Variants in SCUBE1 observed in about 807,000 individuals in gnomAD.
SCUBE1 encodes signal peptide, CUB and EGF-like domain-containing protein 1.
A neutral mutation model predicts 124.4 loss-of-function variants in SCUBE1; 59 were observed. The ratio of observed to expected loss-of-function variants is 0.47; its 90% CI spans 0.38 to 0.59. The LOEUF (loss-of-function observed/expected upper bound fraction) is 0.59, where lower values mean the gene tolerates loss of function less well. Among genes scored for constraint, SCUBE1 ranks in the 20% least tolerant of loss-of-function variants. The pLI is 0.00. For synonymous variants in SCUBE1, 545 were observed against 550.9 expected (o/e 0.99, Z 0.15); for missense variants, 1,150 against 1,371.2 (o/e 0.84, Z 2.55).
chr22:43,319,265 T>C (rs1203198807), intron 3 of SCUBE1, among the ~76,000 whole-genome samples: 1 of 151,888 alleles, frequency 6.6e-6, no homozygotes, highest in Non-Finnish European at 1.5e-5. Flanking sequence ...AAGAGAAGAT[T>C]AGGGCCAGGC....
At chr22:43,220,379 C>T (rs995106141) in intron 14 of SCUBE1, 71 bp downstream of exon 14, 4 of 1,540,846 alleles carry the variant, frequency 2.6e-6, no homozygotes, top group Non-Finnish European at 3.5e-6. Context: ...CCTGGCAGGC[C>T]CCCGGCAGCG....
intron 2 of SCUBE1, among the ~76,000 whole-genome samples, 162 bp downstream of exon 2, chr22:43,338,942 C>T (rs1309695950): frequency 6.6e-6 from 1 of 152,228 alleles, no homozygotes; most frequent in Admixed American, 6.5e-5. Context: ...CCGAAAAGTT[C>T]ACTGCCTCCC....
At chr22:43,265,228 A>C (rs1347398442) in intron 4 of SCUBE1, among the ~76,000 whole-genome samples, 1 of 152,216 alleles carries the variant, frequency 6.6e-6, no homozygotes, top group Non-Finnish European at 1.5e-5. Context: ...CTTGCCATCA[A>C]GTGATCTTTC....
chr22:43,324,564 C>A (rs1239821078), intron 2 of SCUBE1, among the ~76,000 whole-genome samples: 1 of 152,138 alleles, frequency 6.6e-6, no homozygotes, highest in African/African-American at 2.4e-5. Flanking sequence ...TCATGTAAGC[C>A]TCCTCCTTTA....
chr22:43,223,375 T>G (rs1215395115), intron 10 of SCUBE1, among the ~76,000 whole-genome samples, 159 bp from the exon 11 acceptor site: 1 of 152,098 alleles, frequency 6.6e-6, no homozygotes, highest in Non-Finnish European at 1.5e-5. Flanking sequence ...GCAGGTCCCT[T>G]GGGCGTGTGG....
Position 43,210,194 on chromosome 22 carries a change from C to T in SCUBE1, c.2430G>A (p.Glu810=), listed in dbSNP as rs530301498. Residue 810 remains glutamate (E), a synonymous_variant, in exon 19 of 22, where the codon GAG becomes GAA. Coordinates refer to ENST00000360835, the MANE Select transcript of SCUBE1 (RefSeq NM_173050.5). This position sits in a 1 kb window ranked among gnomAD's most constrained non-coding sequence, Gnocchi z 4.5. ...GGTAGTCGCCAGGGTAGTTGGGGGA[C>T]TCGATGTAGCCGGTGTAGTCACCAA... The part of the protein sequence containing the change: ...GELGDYTGYI[E]SPNYPGDYPA... 3.1e-6 allele frequency: 5 copies of T among 1,596,766 alleles called. No homozygotes were observed. Among genetic ancestry groups the T allele is most frequent in the Admixed American group, 3.4e-5 (2 of 59,254 alleles).
chr22:43,257,878 C>T (rs1923719320), intron 6 of SCUBE1, among the ~76,000 whole-genome samples: 1 of 152,226 alleles, frequency 6.6e-6, no homozygotes, highest in Non-Finnish European at 1.5e-5. Flanking sequence ...GCATACACCT[C>T]CCTTCTCCCC....
chr22:43,212,299 C>T (rs1023559393), intron 17 of SCUBE1, 126 bp downstream of exon 17: 114 of 1,095,664 alleles, frequency 1.0e-4, no homozygotes, highest in Middle Eastern at 3.0e-4. Context: ...CTGACAGCTC[C>T]AGGCTCCTCC....
chr22:43,256,738 G>C (rs1440445013), intron 6 of SCUBE1, among the ~76,000 whole-genome samples: 2 of 152,268 alleles, frequency 1.3e-5, no homozygotes, highest in Non-Finnish European at 2.9e-5. Flanking sequence ...GGCTCCAAGA[G>C]AGGTGGCAAA....
At chr22:43,274,546 T>G (rs1322937335) in intron 4 of SCUBE1, among the ~76,000 whole-genome samples, 1 of 152,110 alleles carries the variant, frequency 6.6e-6, no homozygotes, top group Non-Finnish European at 1.5e-5. Context: ...AAAGGTCTGT[T>G]TTTCCTTTCC....
chr22:43,312,189 T>C (rs1926194146), intron 3 of SCUBE1, among the ~76,000 whole-genome samples: 1 of 152,216 alleles, frequency 6.6e-6, no homozygotes, highest in Admixed American at 6.5e-5. Flanking sequence ...ATGCCTACAA[T>C]ATATCTGACA....
intron 9 of SCUBE1, 56 bp downstream of exon 9, chr22:43,229,016 G>T: frequency 7.7e-7 from 1 of 1,301,122 alleles, no homozygotes. Flanking sequence ...GTAGGTGGCC[G>T]TGCGGCCAGG....
At chr22:43,336,901 CT>C (rs1927099853) in intron 2 of SCUBE1, among the ~76,000 whole-genome samples, 1 of 152,088 alleles carries the variant, frequency 6.6e-6, no homozygotes, top group Non-Finnish European at 1.5e-5. Flanking sequence ...TGAGCTGGGG[CT>C]CACAAACATA....
chr22:43,232,016 C>G (rs1922575083), intron 7 of SCUBE1, 141 bp from the exon 8 acceptor site: 7 of 970,172 alleles, frequency 7.2e-6, no homozygotes, highest in Admixed American at 2.1e-5. Context: ...CTGCTGGCTC[C>G]CCAGCTGTGC....
intron 5 of SCUBE1, among the ~76,000 whole-genome samples, chr22:43,260,262 C>T (rs2146709317): frequency 6.6e-6 from 1 of 152,344 alleles, no homozygotes; most frequent in Non-Finnish European, 1.5e-5. Flanking sequence ...GACCCTTGTT[C>T]CCTCCACATA....
chr22:43,304,510 C>T (rs769744007), intron 3 of SCUBE1, among the ~76,000 whole-genome samples: 4 of 117,852 alleles, frequency 3.4e-5, no homozygotes, highest in Admixed American at 8.7e-5. Flanking sequence ...AGGCTGAACC[C>T]AGGCAGAGAG....
Position 43,310,133 on chromosome 22 carries a change from G to A in SCUBE1, c.349+9804C>T, listed in dbSNP as rs115950961. On this transcript the variant is annotated intron_variant, in intron 3 of 21. Coordinates refer to ENST00000360835, the MANE Select transcript of SCUBE1 (RefSeq NM_173050.5). ...GCCTGACCCAGCCCCGGCCCGCCTC[G>A]TTGCCTCATCTCCAGTCTGTGTCCC... Among the ~76,000 whole-genome samples the A allele has an allele frequency of 1.9e-3, 288 of 152,080 alleles. 1 individual carries two copies. The highest frequency in any genetic ancestry group is 6.5e-3 in the African/African-American group (268 of 41,488).
At position 43,234,617 on chromosome 22, in the gene SCUBE1, G is replaced by A. The variant is rs1037518564; in HGVS notation, c.845-2742C>T. ...CCTCCTCACACTACCTCAGGATATA[G>A]TGAAGGGGGTGCTGGGCTCATGGCC... is the stretch of plus-strand genomic sequence containing the variant. On this transcript the variant is annotated intron_variant, in intron 7 of 21. Coordinates refer to ENST00000360835, the MANE Select transcript of SCUBE1 (RefSeq NM_173050.5). This position sits in a 1 kb window ranked among gnomAD's most constrained non-coding sequence, Gnocchi z 4.4. 2.0e-5 allele frequency among the ~76,000 whole-genome samples: 3 copies of A among 152,212 alleles called. No homozygotes were observed. Among genetic ancestry groups the A allele is most frequent in the Non-Finnish European group, 4.4e-5 (3 of 68,018 alleles).
chr22:43,292,335 G>C (rs558849062), intron 3 of SCUBE1, among the ~76,000 whole-genome samples: 1 of 152,150 alleles, frequency 6.6e-6, no homozygotes, highest in African/African-American at 2.4e-5. Context: ...CACAAAGGGC[G>C]CTATTGGCTG....
Sources: gnomAD v4.1 joint callset for allele counts (sites outside exome capture counted in the v4.1 genomes callset) on GRCh38, gnomAD v4.1.1 for gene constraint, Gnocchi (gnomAD v3.1) non-coding constraint, MANE v1.5 for transcripts, NCBI Gene and HGNC (gene_info 2026-07-23, HGNC 2026-07-21) for gene names.